Variants in DNAH3 observed in about 807,000 individuals in gnomAD.
DNAH3 encodes axonemal beta dynein heavy chain 3.
In DNAH3, 332 loss-of-function variants were observed where a neutral mutation model predicts 432.5. The observed-to-expected ratio is 0.77, with a 90% CI of 0.70 to 0.84. The LOEUF (loss-of-function observed/expected upper bound fraction) is 0.84. DNAH3 is among the 40% of genes least tolerant of loss of function. The pLI is 0.00. For synonymous variants in DNAH3, 1,956 were observed against 1,900.2 expected, an observed-to-expected ratio of 1.03 and a Z score of -0.76; for missense variants, 4,861 against 5,114.0, an observed-to-expected ratio of 0.95 and a Z score of 1.51.
chr16:20,949,381 A>T (rs997814364), intron 56 of DNAH3, among the ~76,000 whole-genome samples: 2 of 151,930 alleles, frequency 1.3e-5, no homozygotes, highest in Non-Finnish European at 2.9e-5. Flanking sequence ...AAAAAAAGAC[A>T]TTTAAAGAGC....
chr16:21,020,356 ATATATATATATAAAATCAC>A (rs1227391828), intron 40 of DNAH3, among the ~76,000 whole-genome samples: 1 of 105,552 alleles, frequency 9.5e-6, no homozygotes, highest in Non-Finnish European at 1.8e-5. Flanking sequence ...GTGTATATAT[ATATATATATATAAAATCAC>A]TATATATATA....
intron 57 of DNAH3, 112 bp from the exon 58 acceptor site, chr16:20,944,775 G>A (rs529835876): frequency 4.3e-5 from 35 of 815,696 alleles, no homozygotes; most frequent in Non-Finnish European, 6.2e-5. Flanking sequence ...CAGTAGCACA[G>A]GACACACACA....
At chr16:21,078,303 A>T (rs557976901) in intron 20 of DNAH3, among the ~76,000 whole-genome samples, 16 of 151,404 alleles carry the variant, frequency 1.1e-4, no homozygotes, top group African/African-American at 3.6e-4. Context: ...AAAGAGTAAC[A>T]ACTAATAGAA....
chr16:21,152,598 G>A (rs541399286), intron 1 of DNAH3, among the ~76,000 whole-genome samples: 2 of 152,378 alleles, frequency 1.3e-5, no homozygotes, highest in African/African-American at 4.8e-5. Flanking sequence ...GGTGTGGAGG[G>A]AGAGGCGCGA....
intron 27 of DNAH3, among the ~76,000 whole-genome samples, chr16:21,055,626 GA>G (rs1434615591): frequency 6.6e-6 from 1 of 151,786 alleles, no homozygotes; most frequent in South Asian, 2.1e-4. Context: ...ACTTAAAAAG[GA>G]AAAAAAGTAA....
intron 18 of DNAH3, among the ~76,000 whole-genome samples, chr16:21,091,194 TAAAGA>T (rs920434420): frequency 1.1e-4 from 16 of 152,014 alleles, no homozygotes; most frequent in African/African-American, 3.9e-4. Flanking sequence ...TAAAAGTTCT[TAAAGA>T]ATAGATTATA....
At chr16:21,121,778 G>A (rs2092347836) in intron 10 of DNAH3, among the ~76,000 whole-genome samples, 167 bp downstream of exon 11, 1 of 151,946 alleles carries the variant, frequency 6.6e-6, no homozygotes, top group Non-Finnish European at 1.5e-5. Context: ...TTTCTTTATG[G>A]TCTAAATCAT....
intron 1 of DNAH3, among the ~76,000 whole-genome samples, chr16:21,153,024 C>T (rs1012535315): frequency 6.6e-5 from 10 of 152,300 alleles, no homozygotes; most frequent in South Asian, 4.1e-4. Context: ...CCTGCAGCCC[C>T]GGTGCAGGAG....
At chr16:21,068,325 T>TGGGTG (rs1251536368) in intron 23 of DNAH3, among the ~76,000 whole-genome samples, 1 of 76,606 alleles carries the variant, frequency 1.3e-5, no homozygotes, top group Admixed American at 1.3e-4. Flanking sequence ...TTTTTTTGGG[T>TGGGTG]GGGGGGGGGG....
chr16:21,039,338 C>T (rs751784981), intron 33 of DNAH3, among the ~76,000 whole-genome samples: 51 of 151,500 alleles, frequency 3.4e-4, no homozygotes, highest in Non-Finnish European at 5.4e-4. Flanking sequence ...CCTCCCTCAG[C>T]CTCCTGAGTA....
At chr16:21,050,721 G>C (rs1426684474) in intron 29 of DNAH3, among the ~76,000 whole-genome samples, 1 of 152,226 alleles carries the variant, frequency 6.6e-6, no homozygotes, top group African/African-American at 2.4e-5. Context: ...TGAGACTACA[G>C]GCGTGAGCCA....
At chr16:21,037,828 A>G (rs759031435) in exon 34 of DNAH3, 2 of 1,614,236 alleles carry the variant, frequency 1.2e-6, no homozygotes, top group South Asian at 2.2e-5. Flanking sequence ...CCGGAGCAGC[A>G]GGACACTTTC....
intron 10 of DNAH3, chr16:21,121,087 A>C (rs565735717): frequency 9.8e-5 from 63 of 642,244 alleles, no homozygotes; most frequent in Non-Finnish European, 1.5e-4. Flanking sequence ...GCCCATGTGA[A>C]GCATACATAA....
At chr16:21,054,578 C>T in intron 27 of DNAH3, 44 bp from the exon 28 acceptor site, 4 of 1,431,368 alleles carry the variant, frequency 2.8e-6, no homozygotes, top group Non-Finnish European at 3.9e-6. Context: ...ATTTGACTCT[C>T]CTCTGGTAAT....
chr16:21,112,152 A>T, intron 12 of DNAH3, 54 bp from the exon 13 acceptor site: 1 of 1,230,104 alleles, frequency 8.1e-7, no homozygotes, highest in Non-Finnish European at 1.2e-6. Context: ...CAACCAAATC[A>T]GATGAGTCAG....
chr16:20,957,808 CAAAAAAAAAAAAAAAAAAAAAAAAAAAA>C (rs762197650), intron 54 of DNAH3, among the ~76,000 whole-genome samples: 1 of 53,276 alleles, frequency 1.9e-5, no homozygotes, highest in East Asian at 4.7e-4. Context: ...ACTCCATCTC[CAAAAAAAAAAAAAAAAAAAAAAAAAAAA>C]AAAAAAAAAA....
chr16:21,121,428 A>C (rs16970915), intron 10 of DNAH3, among the ~76,000 whole-genome samples: 42,866 of 152,050 alleles, frequency 0.28, 6,163 homozygotes, highest in African/African-American at 0.33. Flanking sequence ...AGCACACAGA[A>C]GAGTGAAACT....
chr16:21,151,874 CT>C (rs971278248), intron 1 of DNAH3, among the ~76,000 whole-genome samples: 284 of 151,584 alleles, frequency 1.9e-3, no homozygotes, highest in African/African-American at 6.4e-3. Flanking sequence ...GCTTGCATAT[CT>C]TTTTTTTTCA....
At chr16:21,115,721 TAAATAAAATAAAATA>T (rs1555563803) in intron 12 of DNAH3, among the ~76,000 whole-genome samples, 5 of 140,942 alleles carry the variant, frequency 3.5e-5, no homozygotes, top group African/African-American at 1.3e-4. Flanking sequence ...AATAATAAAA[TAAATAAAATAAAATA>T]AAATAAAATA....
Sources: allele counts gnomAD v4.1 joint callset (sites outside exome capture counted in the v4.1 genomes callset), GRCh38; gene constraint gnomAD v4.1.1; transcripts MANE v1.5; gene names NCBI Gene and HGNC (gene_info 2026-07-23, HGNC 2026-07-21).